PRMT8: variants seen among roughly 807,000 people sequenced by gnomAD.
PRMT8 encodes protein arginine N-methyltransferase 8.
Under a neutral mutation model 47.1 loss-of-function variants are expected in PRMT8, and 7 were observed. The ratio of observed to expected loss-of-function variants is 0.15; its 90% CI spans 0.08 to 0.28. PRMT8 has a LOEUF of 0.28. Ranked by LOEUF, PRMT8 falls within the 10% of genes least tolerant of loss-of-function variation. The pLI, the probability that PRMT8 is intolerant of heterozygous loss-of-function variation, is 1.00. For missense variants in PRMT8, 237 were observed against 505.4 expected, an observed-to-expected ratio of 0.47 and a Z score of 5.09; for synonymous variants, 188 against 186.5, an observed-to-expected ratio of 1.01 and a Z score of -0.07.
chr12:3,566,528 G>T lies in PRMT8; in HGVS notation c.482-2178G>T, dbSNP rs1866723767. The stretch of plus-strand genomic sequence containing the variant: ...TACAAAGTGTCTTACTCCTTGTAGA[G>T]CAGGCTGTATCCAATTAAAGCTTGA... On this transcript the variant is annotated intron_variant, in intron 4 of 9. Coordinates refer to ENST00000382622, the MANE Select transcript of PRMT8 (RefSeq NM_019854.5). The surrounding 1 kb of genome is among the most constrained non-coding windows in gnomAD (Gnocchi z 4.7). Among the ~76,000 whole-genome samples the T allele has an allele frequency of 6.6e-6, 1 of 152,214 alleles. No individual in the cohort carries two copies.
At chr12:3,590,937 CG>C (rs1438441129) in intron 8 of PRMT8, among the ~76,000 whole-genome samples, 1 of 152,070 alleles carries the variant, frequency 6.6e-6, no homozygotes, top group Non-Finnish European at 1.5e-5. Context: ...TGCAGACAAA[CG>C]GGGATGGGGG....
chr12:3,512,328 G>A (rs1865725592), intron 1 of PRMT8, among the ~76,000 whole-genome samples: 1 of 152,104 alleles, frequency 6.6e-6, no homozygotes, highest in Non-Finnish European at 1.5e-5. Context: ...ACTGTCCCTG[G>A]GTGATCTCAT....
At chr12:3,389,978 C>T (rs1295492960) in intron 1 of PRMT8, among the ~76,000 whole-genome samples, 5 of 152,266 alleles carry the variant, frequency 3.3e-5, no homozygotes, top group Non-Finnish European at 5.9e-5. Flanking sequence ...AGGAGCCTAA[C>T]GCTGGTTATT....
chr12:3,402,447 A>G (rs1006977187), intron 1 of PRMT8, among the ~76,000 whole-genome samples: 2 of 152,256 alleles, frequency 1.3e-5, no homozygotes, highest in Non-Finnish European at 2.9e-5. Context: ...TGCCAAAAGC[A>G]ATTGCAACAA....
intron 1 of PRMT8, among the ~76,000 whole-genome samples, chr12:3,419,968 A>G (rs1413592557): frequency 9.3e-6 from 1 of 107,948 alleles, no homozygotes; most frequent in African/African-American, 3.6e-5. Flanking sequence ...AGGGGGAGAA[A>G]GAGGGAGAGG....
At chr12:3,432,779 TTTTG>T (rs1419191296) in intron 1 of PRMT8, among the ~76,000 whole-genome samples, 1 of 152,100 alleles carries the variant, frequency 6.6e-6, no homozygotes. Context: ...TTTTGTTGGT[TTTTG>T]TTTTGTTTTG....
rs1324097915 is a variant in PRMT8 at position 3,453,557 on chromosome 12, C to T, written c.48+72115C>T. 1.3e-5 allele frequency among the ~76,000 whole-genome samples: 2 copies of T among 152,202 alleles called. No individual in the cohort carries two copies. Among genetic ancestry groups the T allele is most frequent in the Non-Finnish European group, 2.9e-5 (2 of 68,034 alleles). Reference sequence around the variant, plus strand: ...TCCTGGGGAAGCCAGACGCTGCATTCCGCATGCCATCGTGACCTTGAAGTA... The same window carrying T: ...TCCTGGGGAAGCCAGACGCTGCATTTCGCATGCCATCGTGACCTTGAAGTA... On this transcript the variant is annotated intron_variant, in intron 1 of 9. Coordinates refer to the PRMT8 transcript ENST00000452611. The surrounding 1 kb of genome is among the most constrained non-coding windows in gnomAD (Gnocchi z 4.9).
intron 1 of PRMT8, among the ~76,000 whole-genome samples, chr12:3,464,016 CG>C (rs1865065281): frequency 6.6e-6 from 1 of 152,102 alleles, no homozygotes; most frequent in Admixed American, 6.5e-5. Flanking sequence ...ACAGAAGATA[CG>C]GGGCGGAGGG....
chr12:3,384,111 A>G (rs555341005), intron 1 of PRMT8, among the ~76,000 whole-genome samples: 97 of 152,312 alleles, frequency 6.4e-4, no homozygotes, highest in African/African-American at 2.2e-3. Flanking sequence ...ACTACATTGA[A>G]TAAGAGTGGT....
chr12:3,508,882 A>G lies in PRMT8; in HGVS notation c.75+17182A>G, dbSNP rs1285184257. Among the ~76,000 whole-genome samples, 1 of 152,150 alleles carries G rather than the reference A, an allele frequency of 6.6e-6. No individual in the cohort carries two copies. Among genetic ancestry groups the G allele is most frequent in the Non-Finnish European group, 1.5e-5 (1 of 68,030 alleles). ...GCCATTCTCACTTTTCTTGGTAATA[A>G]GTCACCAAAATCACAAGCCTGAACT... On this transcript the variant is annotated intron_variant, in intron 1 of 9. Coordinates refer to ENST00000382622, the MANE Select transcript of PRMT8 (RefSeq NM_019854.5). The surrounding 1 kb of genome is among the most constrained non-coding windows in gnomAD (Gnocchi z 4.9).
At chr12:3,394,130 T>C (rs1366933803) in intron 1 of PRMT8, among the ~76,000 whole-genome samples, 2 of 149,792 alleles carry the variant, frequency 1.3e-5, no homozygotes, top group African/African-American at 4.9e-5. Flanking sequence ...TGGGGTTTTC[T>C]AGATATACAA....
At chr12:3,579,150 A>C (rs1333808207) in intron 7 of PRMT8, among the ~76,000 whole-genome samples, 3 of 152,228 alleles carry the variant, frequency 2.0e-5, no homozygotes, top group Non-Finnish European at 4.4e-5. Context: ...TAAATGTAGA[A>C]TAGATAGAAG....
chr12:3,440,428 C>CTGGA lies in PRMT8; in HGVS notation c.48+58987_48+58988insGGAT, dbSNP rs921919852. On this transcript the variant is annotated intron_variant, in intron 1 of 9. Transcript: ENST00000452611. ...AGTGAGCCAAGATCGCGCCACTGCACTCCAGCCTGGGAGACAGAGCAAGAC... is the reference window on the plus strand; with the variant it reads ...AGTGAGCCAAGATCGCGCCACTGCACTGGATCCAGCCTGGGAGACAGAGCAAGAC... Among the ~76,000 whole-genome samples, 20 of 152,062 alleles carry CTGGA rather than the reference C, an allele frequency of 1.3e-4. No individual in the cohort carries two copies. In the South Asian group the frequency reaches 1.7e-3, roughly 13 times the overall value.
chr12:3,528,749 G>T (rs1865982162), intron 1 of PRMT8, among the ~76,000 whole-genome samples: 1 of 151,934 alleles, frequency 6.6e-6, no homozygotes, highest in South Asian at 2.1e-4. Context: ...ACCTCATTGG[G>T]TGATGGATAT....
rs1035220121 is a variant in PRMT8, at chr12:3,508,272, G to A, written c.75+16572G>A. Among the ~76,000 whole-genome samples the A allele has an allele frequency of 6.6e-6, 1 of 152,162 alleles. No individual in the cohort carries two copies. Among genetic ancestry groups the A allele is most frequent in the African/African-American group, 2.4e-5 (1 of 41,428 alleles). The stretch of plus-strand genomic sequence containing the variant: ...TATTCCAGACAGACTGCAGGGTGTC[G>A]GGATGTTTCTGTGTGGGGATATGTA... On this transcript the variant is annotated intron_variant, in intron 1 of 9. Coordinates refer to ENST00000382622, the MANE Select transcript of PRMT8 (RefSeq NM_019854.5). This position sits in a 1 kb window ranked among gnomAD's most constrained non-coding sequence, Gnocchi z 4.9.
chr12:3,437,977 A>T (rs1012091975), intron 1 of PRMT8, among the ~76,000 whole-genome samples: 1 of 152,286 alleles, frequency 6.6e-6, no homozygotes, highest in South Asian at 2.1e-4. Flanking sequence ...TAATTGAAGA[A>T]CAGGACTCTT....
chr12:3,576,825 T>G lies in PRMT8; in HGVS notation c.713-46T>G. 1.3e-6 allele frequency: 2 copies of G among 1,519,552 alleles called. No individual in the cohort carries two copies. Among genetic ancestry groups the G allele is most frequent in the Non-Finnish European group, 1.8e-6 (2 of 1,096,780 alleles). 94.1% of individuals were successfully genotyped at this position (1,519,552 alleles called of 1,614,324 possible). A position where few individuals can be genotyped will look rare whatever the true frequency, so the allele number is the denominator to read the frequency against. On this transcript the variant is annotated intron_variant, in intron 6 of 9. Coordinates refer to ENST00000382622, the MANE Select transcript of PRMT8 (RefSeq NM_019854.5). This position sits in a 1 kb window ranked among gnomAD's most constrained non-coding sequence, Gnocchi z 4.0. Reference sequence around the variant, plus strand: ...AGGACTCAGGAGGGTTGGGTGAGCTTCTGGGGGTCCTGCGCCTGCCTTCAC... The same window carrying G: ...AGGACTCAGGAGGGTTGGGTGAGCTGCTGGGGGTCCTGCGCCTGCCTTCAC...
intron 7 of PRMT8, among the ~76,000 whole-genome samples, chr12:3,579,823 G>A (rs771888115): frequency 8.3e-4 from 126 of 152,234 alleles, no homozygotes; most frequent in Non-Finnish European, 1.0e-3. Context: ...ATTGTTTAAC[G>A]GTGGGGATCG....
chr12:3,470,361 A>T (rs560554961), intron 1 of PRMT8, among the ~76,000 whole-genome samples: 1 of 152,258 alleles, frequency 6.6e-6, no homozygotes, highest in East Asian at 1.9e-4. Flanking sequence ...ATGTGCTCTT[A>T]CACAGGGACT....
Sources: allele counts gnomAD v4.1 joint callset (sites outside exome capture counted in the v4.1 genomes callset), GRCh38; gene constraint gnomAD v4.1.1; non-coding constraint Gnocchi (gnomAD v3.1); transcripts MANE v1.5; gene names NCBI Gene and HGNC (gene_info 2026-07-23, HGNC 2026-07-21).